ASH1L: variants seen among roughly 807,000 people sequenced by gnomAD.
The protein encoded by ASH1L is histone-lysine N-methyltransferase ASH1L.
Under a neutral mutation model 269.0 loss-of-function variants are expected in ASH1L, and 23 were observed. The observed-to-expected ratio is 0.09, with a 90% CI of 0.06 to 0.12. ASH1L has a LOEUF of 0.12. Ranked by LOEUF, ASH1L falls within the 10% of genes least tolerant of loss-of-function variation. The pLI is 1.00. For missense variants in ASH1L, 2,912 were observed against 3,567.8 expected (o/e 0.82, Z 4.68); for synonymous variants, 1,187 against 1,253.5 (o/e 0.95, Z 1.12).
chr1:155,422,106 T>TA (rs1435530859), intron 5 of ASH1L, among the ~76,000 whole-genome samples: 3 of 152,134 alleles, frequency 2.0e-5, no homozygotes, highest in Non-Finnish European at 4.4e-5. Flanking sequence ...AGTGGAATCA[T>TA]AAAATATATG....
At chr1:155,338,032 A>G in intron 27 of ASH1L, 57 bp downstream of exon 27, 1 of 1,528,554 alleles carries the variant, frequency 6.5e-7, no homozygotes, top group East Asian at 2.3e-5. Context: ...ATTTTTTTCC[A>G]TTCCCTCTCA....
chr1:155,339,237 G>A (rs1652559183), intron 26 of ASH1L, 91 bp downstream of exon 26: 1 of 1,164,574 alleles, frequency 8.6e-7, no homozygotes, highest in Non-Finnish European at 1.3e-6. Context: ...AGTCCTAGAA[G>A]TGGAGCTGAG....
Position 155,434,283 on chromosome 1 carries a change from T to C in ASH1L, c.5828+4044A>G, listed in dbSNP as rs922814181. 26 of 1,591,452 alleles carry C rather than the reference T, an allele frequency of 1.6e-5. No individual in the cohort carries two copies. The African/African-American group carries it at 2.4e-4, about 15-fold the overall frequency. On this transcript the variant is annotated intron_variant, in intron 5 of 27. Coordinates refer to ENST00000392403, the MANE Select transcript of ASH1L (RefSeq NM_018489.3). ...ACTGAGGTGCCTGCCCTTCTAGGAA[T>C]GGGGGACAGGGGGAGGGGAGGAGCT...
chr1:155,420,127 G>A (rs991093069), intron 5 of ASH1L, among the ~76,000 whole-genome samples: 1 of 152,022 alleles, frequency 6.6e-6, no homozygotes, highest in Non-Finnish European at 1.5e-5. Context: ...AGACCAGCCT[G>A]GTGAACATGG....
In ASH1L at chr1:155,507,142, T is replaced by C. The variant is rs147281596; in HGVS notation, c.420+13958A>G. Among the ~76,000 whole-genome samples, 322 of 152,044 alleles carry C rather than the reference T, an allele frequency of 2.1e-3. 7 individuals are homozygous for C. In the East Asian group the frequency reaches 0.056, roughly 27 times the overall value. On this transcript the variant is annotated intron_variant, in intron 2 of 27. Transcript: ENST00000392403. ...TTAAAAATACAAAATTAGCCAGACATGGTGGTGCGTGCCTGCAATGCCAGC... is the reference window on the plus strand; with the variant it reads ...TTAAAAATACAAAATTAGCCAGACACGGTGGTGCGTGCCTGCAATGCCAGC...
intron 3 of ASH1L, among the ~76,000 whole-genome samples, chr1:155,465,474 G>T (rs1323806982): frequency 2.0e-5 from 3 of 152,104 alleles, no homozygotes; most frequent in African/African-American, 7.2e-5. Flanking sequence ...TGAGTGGAAT[G>T]TTTGATGTTT....
chr1:155,408,343 T>G (rs1659465283), intron 6 of ASH1L, among the ~76,000 whole-genome samples: 1 of 152,206 alleles, frequency 6.6e-6, no homozygotes, highest in Non-Finnish European at 1.5e-5. Flanking sequence ...ACGCACATTT[T>G]TTTCATTCCA....
At chr1:155,456,948 G>A (rs142883933) in intron 4 of ASH1L, among the ~76,000 whole-genome samples, 7 of 152,140 alleles carry the variant, frequency 4.6e-5, no homozygotes, top group African/African-American at 1.4e-4. Context: ...GACTTGCTTT[G>A]GCACTGAAAC....
At chr1:155,512,159 A>G (rs1236395108) in intron 2 of ASH1L, among the ~76,000 whole-genome samples, 1 of 152,106 alleles carries the variant, frequency 6.6e-6, no homozygotes, top group East Asian at 1.9e-4. Flanking sequence ...TAAAGGAGAA[A>G]ATACTATCCT....
Position 155,479,350 on chromosome 1 carries a change from A to G in ASH1L, c.3520T>C (p.Leu1174=). The change falls in exon 3 of 28, where the codon TTG becomes CTG. Residue 1174 remains leucine (L), a synonymous_variant. Coordinates refer to ENST00000392403, the MANE Select transcript of ASH1L (RefSeq NM_018489.3). ...TCTTTTAGAGATGTGAGTTCACTCA[A>G]GTGCGAAGGAGAATTTGGCAACAAA... ...PTLLPNSPSH[L]SELTSLKEAT... 4.3e-6 allele frequency: 7 copies of G among 1,614,142 alleles called. No homozygotes were observed. Among genetic ancestry groups the G allele is most frequent in the Non-Finnish European group, 5.9e-6 (7 of 1,180,010 alleles).
chr1:155,500,695 G>A (rs1297654785), intron 2 of ASH1L, among the ~76,000 whole-genome samples: 6 of 152,158 alleles, frequency 3.9e-5, no homozygotes, highest in African/African-American at 9.7e-5. Flanking sequence ...TAGACTGGGC[G>A]TGGTGTCTCA....
At chr1:155,525,365 A>G (rs1391108696) in intron 1 of ASH1L, among the ~76,000 whole-genome samples, 1 of 152,154 alleles carries the variant, frequency 6.6e-6, no homozygotes, top group Non-Finnish European at 1.5e-5. Flanking sequence ...AAGTTTTTTC[A>G]AAACCTAGTG....
At chr1:155,407,276 C>T (rs780707628) in intron 6 of ASH1L, among the ~76,000 whole-genome samples, 17 of 152,046 alleles carry the variant, frequency 1.1e-4, no homozygotes, top group Non-Finnish European at 1.0e-4. Flanking sequence ...AACATATAAT[C>T]GTTTGACAAC....
At chr1:155,555,496 C>CA (rs57151613) in intron 1 of ASH1L, among the ~76,000 whole-genome samples, 2,571 of 53,520 alleles carry the variant, frequency 0.048, 72 homozygotes, top group East Asian at 0.12. Context: ...GACTCTGTCT[C>CA]AAAAAAAAAA....
chr1:155,490,897 G>A (rs1436473024), intron 2 of ASH1L, among the ~76,000 whole-genome samples: 1 of 140,088 alleles, frequency 7.1e-6, no homozygotes, highest in Non-Finnish European at 1.5e-5. Context: ...GGAGGTCAAG[G>A]CTGCAGTGAG....
At chr1:155,496,832 G>A (rs912280764) in intron 2 of ASH1L, among the ~76,000 whole-genome samples, 8 of 151,618 alleles carry the variant, frequency 5.3e-5, no homozygotes, top group Admixed American at 3.9e-4. Context: ...TTGTAGAGAG[G>A]TGGGGGTCTC....
intron 5 of ASH1L, among the ~76,000 whole-genome samples, chr1:155,429,016 A>ATATG (rs1661401100): frequency 6.6e-6 from 1 of 152,110 alleles, no homozygotes; most frequent in African/African-American, 2.4e-5. Flanking sequence ...GCATATATAT[A>ATATG]TATACAATGC....
intron 5 of ASH1L, among the ~76,000 whole-genome samples, chr1:155,429,899 G>A (rs1558095090): frequency 6.6e-6 from 1 of 152,080 alleles, no homozygotes; most frequent in Non-Finnish European, 1.5e-5. Context: ...TCCTGGACAA[G>A]CTCAAGCAAT....
chr1:155,504,971 T>C (rs190108561), intron 2 of ASH1L, among the ~76,000 whole-genome samples: 4 of 152,290 alleles, frequency 2.6e-5, no homozygotes, highest in East Asian at 3.8e-4. Flanking sequence ...TTTTATCTTT[T>C]AATTTTTCCT....
Sources: allele counts gnomAD v4.1 joint callset (sites outside exome capture counted in the v4.1 genomes callset), GRCh38; gene constraint gnomAD v4.1.1; transcripts MANE v1.5; gene names NCBI Gene and HGNC (gene_info 2026-07-23, HGNC 2026-07-21).